XPC: variants seen among roughly 807,000 people sequenced by gnomAD.
XPC encodes DNA repair protein complementing XP-C cells.
A neutral mutation model predicts 95.8 loss-of-function variants in XPC; 76 were observed. The observed-to-expected ratio is 0.79, with a 90% CI of 0.66 to 0.96. The LOEUF (loss-of-function observed/expected upper bound fraction) is 0.96. Ranked by LOEUF, XPC falls within the 40% of genes least tolerant of loss-of-function variation. The pLI is 0.00. For synonymous variants in XPC, 442 were observed against 442.1 expected, an observed-to-expected ratio of 1.00 and a Z score of 0.00; for missense variants, 1,146 against 1,179.8, an observed-to-expected ratio of 0.97 and a Z score of 0.42.
intron 15 of XPC, among the ~76,000 whole-genome samples, 160 bp from the exon 16 acceptor site, chr3:14,146,319 TACTG>T (rs1695435252): frequency 6.6e-6 from 1 of 151,872 alleles, no homozygotes; most frequent in Non-Finnish European, 1.5e-5. Flanking sequence ...AGACCCTTCT[TACTG>T]AGCCGTCCCA....
intron 10 of XPC, chr3:14,152,929 C>A (rs1033153092): frequency 6.6e-6 from 1 of 152,414 alleles, no homozygotes; most frequent in African/African-American, 2.4e-5. Flanking sequence ...ATCAAGACAC[C>A]TGCACATGGA....
intron 1 of XPC, among the ~76,000 whole-genome samples, chr3:14,176,001 C>A (rs1185197526): frequency 6.6e-6 from 1 of 152,190 alleles, no homozygotes; most frequent in Non-Finnish European, 1.5e-5. Context: ...GCTAGCCCAA[C>A]TAATTTACCT....
Position 14,168,460 on chromosome 3 carries a change from G to A in XPC, c.413-80C>T. On this transcript the variant is annotated intron_variant, in intron 3 of 15. Transcript: ENST00000285021. ...CTGTACTGAACAGAATCAAGGTTCT[G>A]CTGGGAAGGAGGAAGTGAGGCATGA... 1.9e-6 allele frequency: 3 copies of A among 1,555,728 alleles called. No homozygotes were observed. In the South Asian group the frequency reaches 3.5e-5, roughly 18 times the overall value.
intron 2 of XPC, among the ~76,000 whole-genome samples, chr3:14,172,286 C>T (rs1335536362): frequency 6.6e-6 from 1 of 152,106 alleles, no homozygotes; most frequent in East Asian, 1.9e-4. Context: ...GGCATGGTAA[C>T]AATAACTGGC....
chr3:14,151,196 A>T (rs924103656), intron 11 of XPC, among the ~76,000 whole-genome samples: 1 of 152,210 alleles, frequency 6.6e-6, no homozygotes, highest in African/African-American at 2.4e-5. Context: ...GGTCTGAACT[A>T]AGGTACAGAA....
intron 11 of XPC, 23 bp from the exon 12 acceptor site, chr3:14,148,971 C>T (rs368898389): frequency 1.1e-5 from 17 of 1,613,138 alleles, no homozygotes; most frequent in Middle Eastern, 1.6e-4. Context: ...ACACGGCCAC[C>T]GTTTACAACA....
rs1206477174 is a variant in XPC at position 14,145,627 on chromosome 3, G to A, written c.*314C>T. On this transcript the variant is annotated 3_prime_UTR_variant, in exon 16 of 16. Coordinates refer to ENST00000285021, the MANE Select transcript of XPC (RefSeq NM_004628.5). ...AAACTGATGTTTCTAAAGATGGAAA[G>A]AACAGGTCTAGGAGGCAGAAGAGTA... 1.4e-6 allele frequency: 1 copy of A among 699,436 alleles called. No individual in the cohort carries two copies. Among genetic ancestry groups the A allele is most frequent in the Non-Finnish European group, 2.6e-6 (1 of 384,748 alleles). The allele number at this position is 699,436 out of a possible 1,614,324, so 43.3% of individuals were successfully genotyped here.
chr3:14,147,792 CAGAG>C, intron 14 of XPC, 112 bp downstream of exon 14: 1 of 919,092 alleles, frequency 1.1e-6, no homozygotes, highest in South Asian at 1.6e-5. Context: ...GCCATGATGT[CAGAG>C]AGGGCTGGGA....
chr3:14,164,796 C>G lies in XPC; in HGVS notation c.900+17G>C, dbSNP rs375555629. The G allele has an allele frequency of 3.7e-6, 6 of 1,611,412 alleles. No individual in the cohort carries two copies. The African/African-American group carries it at 6.7e-5, about 18-fold the overall frequency. On this transcript the variant is annotated intron_variant, in intron 7 of 15. Coordinates refer to ENST00000285021, the MANE Select transcript of XPC (RefSeq NM_004628.5). ...AACAGTACTGATAAAAAACAGTGAT[C>G]CGGGAGGATCACTTACATGGACCAA...
At chr3:14,170,961 C>G (rs1696587926) in intron 2 of XPC, among the ~76,000 whole-genome samples, 1 of 152,214 alleles carries the variant, frequency 6.6e-6, no homozygotes, top group South Asian at 2.1e-4. Context: ...TAAGCCTACT[C>G]AGACTTCTTT....
intron 14 of XPC, chr3:14,147,636 T>G: frequency 1.7e-6 from 1 of 602,254 alleles, no homozygotes; most frequent in Non-Finnish European, 2.9e-6. Flanking sequence ...TTCCAGAACC[T>G]GGACACAGGC....
At chr3:14,170,610 A>T in intron 2 of XPC, 60 bp from the exon 3 acceptor site, 3 of 1,344,496 alleles carry the variant, frequency 2.2e-6, no homozygotes, top group Non-Finnish European at 3.1e-6. Flanking sequence ...TGTTCCATTC[A>T]AGCTAAATGG....
At chr3:14,146,987 G>A (rs555476636) in intron 15 of XPC, among the ~76,000 whole-genome samples, 63 of 152,314 alleles carry the variant, frequency 4.1e-4, no homozygotes, top group African/African-American at 1.5e-3. Context: ...ACCAAATGCA[G>A]GACACTTGGC....
intron 1 of XPC, among the ~76,000 whole-genome samples, chr3:14,173,922 G>C (rs551857063): frequency 3.3e-5 from 5 of 152,098 alleles, no homozygotes; most frequent in African/African-American, 1.2e-4. Flanking sequence ...TTTTATTGAG[G>C]TTCCAAAAGG....
intron 1 of XPC, among the ~76,000 whole-genome samples, chr3:14,175,060 A>G (rs1313626288): frequency 6.6e-6 from 1 of 152,096 alleles, no homozygotes; most frequent in African/African-American, 2.4e-5. Context: ...TAGCACTCAG[A>G]ATAAAATTCC....
At chr3:14,163,938 A>C (rs1696265452) in intron 7 of XPC, among the ~76,000 whole-genome samples, 1 of 152,204 alleles carries the variant, frequency 6.6e-6, no homozygotes. Context: ...AATCCCAGCT[A>C]CTCGCGAGGC....
rs1168604538 is a variant in XPC at position 14,169,116 on chromosome 3, A to G, written c.413-736T>C. On this transcript the variant is annotated intron_variant, in intron 3 of 15. Coordinates refer to ENST00000285021, the MANE Select transcript of XPC (RefSeq NM_004628.5). Reference sequence around the variant, plus strand: ...AAAAGGCTGGTTTCAAGTCTACAGCAAGAAAAGTATAAGCTGAACAAAAAT... The same window carrying G: ...AAAAGGCTGGTTTCAAGTCTACAGCGAGAAAAGTATAAGCTGAACAAAAAT... Among the ~76,000 whole-genome samples, 5 of 152,356 alleles carry G rather than the reference A, an allele frequency of 3.3e-5. No individual in the cohort carries two copies. In the East Asian group the frequency reaches 9.6e-4, roughly 29 times the overall value.
chr3:14,158,765 G>A lies in XPC; in HGVS notation c.1118C>T (p.Ala373Val), dbSNP rs1359847541. The A allele has an allele frequency of 6.2e-7, 1 of 1,613,758 alleles. No individual in the cohort carries two copies. Among genetic ancestry groups the A allele is most frequent in the Non-Finnish European group, 8.5e-7 (1 of 1,179,888 alleles). ...SKGTKQEETF[A>V]KGTCRPSAKG... is the part of the protein sequence containing the mutation. ...GGCACTTGGCCTGCAGGTGCCCTTA[G>A]CAAAGGTTTCCTCTTGTTTGGTTCC... is the stretch of plus-strand genomic sequence containing the variant. Residue 373 changes from alanine to valine, a missense_variant, in exon 9 of 16, where the codon GCT (alanine) becomes GTT (valine). Ala to Val is a moderately conservative substitution (Grantham distance 64, BLOSUM62 0). Coordinates refer to ENST00000285021, the MANE Select transcript of XPC (RefSeq NM_004628.5). The surrounding 1 kb of genome is among the most constrained non-coding windows in gnomAD (Gnocchi z 5.2).
chr3:14,174,070 G>T (rs549002174), intron 1 of XPC, among the ~76,000 whole-genome samples: 2 of 152,152 alleles, frequency 1.3e-5, no homozygotes, highest in East Asian at 3.9e-4. Context: ...TCTCCCTTCT[G>T]ATCTAAATGA....
Sources: allele counts gnomAD v4.1 joint callset (sites outside exome capture counted in the v4.1 genomes callset), GRCh38; gene constraint gnomAD v4.1.1; non-coding constraint Gnocchi (gnomAD v3.1); transcripts MANE v1.5; gene names NCBI Gene and HGNC (gene_info 2026-07-23, HGNC 2026-07-21).